The following KCNH8 variants were observed in gnomAD, a reference collection of about 807,000 sequenced individuals.
The protein encoded by KCNH8 is voltage-gated delayed rectifier potassium channel KCNH8.
In KCNH8, 70 loss-of-function variants were observed where a neutral mutation model predicts 103.6. The ratio of observed to expected loss-of-function variants is 0.68; its 90% confidence interval spans 0.56 to 0.82. The LOEUF is 0.82. Among genes scored for constraint, KCNH8 ranks in the 40% least tolerant of loss-of-function variants. KCNH8 has a pLI of 0.00. For synonymous variants in KCNH8, 498 were observed against 489.4 expected, an observed-to-expected ratio of 1.02 and a Z score of -0.23; for missense variants, 1,217 against 1,329.9, an observed-to-expected ratio of 0.92 and a Z score of 1.32.
At chr3:19,202,855 G>A (rs2063677624) in intron 1 of KCNH8, among the ~76,000 whole-genome samples, 1 of 152,100 alleles carries the variant, frequency 6.6e-6, no homozygotes, top group Admixed American at 6.6e-5. Flanking sequence ...ATGATAACAT[G>A]TAATGTGCAC....
chr3:19,353,835 G>T (rs1360683101), intron 5 of KCNH8, among the ~76,000 whole-genome samples: 1 of 152,150 alleles, frequency 6.6e-6, no homozygotes, highest in East Asian at 1.9e-4. Flanking sequence ...AGACAAGGAT[G>T]CCCTCTCTCA....
At chr3:19,267,109 A>G (rs563483684) in intron 2 of KCNH8, among the ~76,000 whole-genome samples, 1 of 152,180 alleles carries the variant, frequency 6.6e-6, no homozygotes, top group African/African-American at 2.4e-5. Flanking sequence ...TGTCTGTCAC[A>G]GCCGCCTCTG....
chr3:19,207,706 A>C (rs1235306610), intron 1 of KCNH8, among the ~76,000 whole-genome samples: 1 of 152,030 alleles, frequency 6.6e-6, no homozygotes, highest in Non-Finnish European at 1.5e-5. Flanking sequence ...TAGCTGAATT[A>C]AGCCAGTGAC....
chr3:19,253,766 G>T lies in KCNH8; in HGVS notation c.189G>T (p.Lys63Asn). 2 of 1,613,922 alleles carry T rather than the reference G, an allele frequency of 1.2e-6. No homozygotes were observed. The highest frequency in any genetic ancestry group is 1.7e-6 in the Non-Finnish European group (2 of 1,179,894). ...TTGCCCGAACTGAAGTCATGCAGAA[G>T]AGTTGTAGCTGCAAGTTCTTATTTG... ...AGFARTEVMQ[K>N]SCSCKFLFGV... The change falls in exon 2 of 16, where the codon AAG becomes AAT. Residue 63 changes from lysine to asparagine, a missense_variant. Transcript: ENST00000328405.
At position 19,449,035 on chromosome 3, in the gene KCNH8, C is replaced by A. The variant is rs559619486; in HGVS notation, c.1376-1071C>A. 18 of 1,107,596 alleles carry A rather than the reference C, an allele frequency of 1.6e-5. 1 individual carries two copies. The East Asian group carries it at 9.5e-4, about 58-fold the overall frequency. The allele number at this position is 1,107,596 out of a possible 1,614,324, so 68.6% of individuals were successfully genotyped here. A position where few individuals can be genotyped will look rare whatever the true frequency, so the allele number is the denominator to read the frequency against. ...TAGTGAGTGCAAAATCCTGTCATAC[C>A]TTCTCTGACTTGATGATACCTAGAT... On this transcript the variant is annotated intron_variant, in intron 8 of 15. Transcript: ENST00000328405.
chr3:19,162,433 G>C (rs1201694596), intron 1 of KCNH8, among the ~76,000 whole-genome samples: 2 of 151,836 alleles, frequency 1.3e-5, no homozygotes, highest in East Asian at 3.9e-4. Context: ...CTTGATCCTG[G>C]GAGGTGGAGG....
chr3:19,299,397 A>G (rs1337143682), intron 3 of KCNH8, among the ~76,000 whole-genome samples: 1 of 152,110 alleles, frequency 6.6e-6, no homozygotes, highest in African/African-American at 2.4e-5. Context: ...CAGGAGGGTG[A>G]GGTGGGAGGA....
chr3:19,355,247 G>A (rs1447356163), intron 5 of KCNH8, among the ~76,000 whole-genome samples: 3 of 152,172 alleles, frequency 2.0e-5, no homozygotes, highest in African/African-American at 7.2e-5. Flanking sequence ...GTGCTAGAGA[G>A]GATGTGGAGA....
At chr3:19,356,608 T>A (rs1220463189) in intron 5 of KCNH8, among the ~76,000 whole-genome samples, 1 of 152,000 alleles carries the variant, frequency 6.6e-6, no homozygotes, top group Non-Finnish European at 1.5e-5. Flanking sequence ...TTAATTAAGC[T>A]GCTGATTCAA....
chr3:19,343,675 G>A (rs1053154135), intron 4 of KCNH8, among the ~76,000 whole-genome samples: 5 of 152,076 alleles, frequency 3.3e-5, no homozygotes, highest in African/African-American at 1.2e-4. Flanking sequence ...TAAGGACAGA[G>A]AGGGGATCCT....
In KCNH8 at chr3:19,534,072, G is replaced by C; in HGVS notation, c.3297G>C (p.Val1099=). 1 of 1,613,832 alleles carries C rather than the reference G, an allele frequency of 6.2e-7. No individual in the cohort carries two copies. Among genetic ancestry groups the C allele is most frequent in the Non-Finnish European group, 8.5e-7 (1 of 1,179,850 alleles). The change falls in exon 16 of 16, where the codon GTG becomes GTC. Residue 1099 remains valine, a synonymous_variant. Coordinates refer to ENST00000328405, the MANE Select transcript of KCNH8 (RefSeq NM_144633.3). ...AAGTTGTCACAAGCACAGCAGAAGT[G>C]AAAGATAACAAAGCCATAAATGTAT... The part of the protein sequence containing the change: ...PLEVVTSTAE[V]KDNKAINV
At chr3:19,230,008 G>A (rs1490545535) in intron 1 of KCNH8, among the ~76,000 whole-genome samples, 3 of 148,234 alleles carry the variant, frequency 2.0e-5, no homozygotes, top group East Asian at 1.9e-4. Flanking sequence ...AGCTGGGGAG[G>A]CCTCAGAATC....
At chr3:19,281,449 G>A (rs2064756070) in intron 3 of KCNH8, 120 bp downstream of exon 3, 1 of 854,242 alleles carries the variant, frequency 1.2e-6, no homozygotes, top group Admixed American at 3.0e-5. Context: ...ATTCGTAACT[G>A]TTAGCAGTCA....
At chr3:19,228,043 T>C (rs748648911) in intron 1 of KCNH8, among the ~76,000 whole-genome samples, 1 of 152,288 alleles carries the variant, frequency 6.6e-6, no homozygotes, top group South Asian at 2.1e-4. Flanking sequence ...GGCTAATTTG[T>C]TCAGGATCGC....
chr3:19,445,010 T>C (rs889552448), intron 8 of KCNH8, among the ~76,000 whole-genome samples: 2 of 151,990 alleles, frequency 1.3e-5, no homozygotes, highest in Non-Finnish European at 2.9e-5. Context: ...CATACATATA[T>C]ACTTCAGGTT....
At chr3:19,275,543 C>T (rs144619024) in intron 2 of KCNH8, among the ~76,000 whole-genome samples, 1 of 152,240 alleles carries the variant, frequency 6.6e-6, no homozygotes, top group East Asian at 1.9e-4. Flanking sequence ...CCTATATGAG[C>T]TGCATTGTAG....
chr3:19,188,636 C>T (rs1041855348), intron 1 of KCNH8, among the ~76,000 whole-genome samples: 3 of 151,916 alleles, frequency 2.0e-5, no homozygotes, highest in Admixed American at 6.6e-5. Flanking sequence ...AGTACGAAGC[C>T]ATTATTTGCT....
At chr3:19,484,678 C>A (rs371498359) in intron 11 of KCNH8, among the ~76,000 whole-genome samples, 1 of 151,442 alleles carries the variant, frequency 6.6e-6, no homozygotes, top group Non-Finnish European at 1.5e-5. Flanking sequence ...GTTTGAGGTC[C>A]TTTCCACGGT....
chr3:19,511,423 G>T (rs1239988171), intron 12 of KCNH8, among the ~76,000 whole-genome samples: 1 of 152,110 alleles, frequency 6.6e-6, no homozygotes, highest in Non-Finnish European at 1.5e-5. Context: ...GCCAATAGAG[G>T]CTTCTTGAAA....
Sources: gnomAD v4.1 joint callset for allele counts (sites outside exome capture counted in the v4.1 genomes callset) on GRCh38, gnomAD v4.1.1 for gene constraint, MANE v1.5 for transcripts, NCBI Gene and HGNC (gene_info 2026-07-23, HGNC 2026-07-21) for gene names.